The following MYO16 variants were observed in gnomAD, a reference collection of about 807,000 sequenced individuals.
MYO16 encodes the protein myosin XVI, also known as unconventional myosin-XVI.
A neutral mutation model predicts 205.3 loss-of-function variants in MYO16; 94 were observed. The observed-to-expected ratio is 0.46, with a 90% CI of 0.39 to 0.54. The LOEUF (loss-of-function observed/expected upper bound fraction) is 0.54, where lower values mean the gene tolerates loss of function less well. MYO16 is among the 20% of genes least tolerant of loss of function. The pLI, the probability that MYO16 is intolerant of heterozygous loss-of-function variation, is 0.00. For synonymous variants in MYO16, 988 were observed against 954.0 expected (o/e 1.04, Z -0.66); for missense variants, 2,315 against 2,387.5 (o/e 0.97, Z 0.63).
rs1055716511 is a variant in MYO16 at position 108,793,529 on chromosome 13, C to G, written c.630C>G (p.Thr210=). The change falls in exon 6 of 35, where the codon ACC becomes ACG. Residue 210 remains threonine (T), a synonymous_variant. Transcript: ENST00000457511. ...TTCTCCCCACAGGAGTGGATTTGAC[C>G]TCACTGCGCCAGATGAAGCTTCAGA... ...TYLDENGVDL[T]SLRQMKLQRP... 1 of 1,613,726 alleles carries G rather than the reference C, an allele frequency of 6.2e-7. No individual in the cohort carries two copies. Among genetic ancestry groups the G allele is most frequent in the Non-Finnish European group, 8.5e-7 (1 of 1,179,798 alleles).
intron 4 of MYO16, among the ~76,000 whole-genome samples, chr13:108,748,380 T>C (rs1007638720): frequency 2.6e-5 from 4 of 152,016 alleles, no homozygotes; most frequent in African/African-American, 9.7e-5. Context: ...ATTTATAGCA[T>C]TAAATACGTG....
intron 17 of MYO16, among the ~76,000 whole-genome samples, chr13:108,959,797 AAGG>A (rs1026635019): frequency 5.9e-5 from 9 of 152,128 alleles, no homozygotes; most frequent in African/African-American, 2.2e-4. Flanking sequence ...TCTGCTCAGG[AAGG>A]AGTTTATTTT....
chr13:108,842,589 A>C (rs1199447387), intron 9 of MYO16, among the ~76,000 whole-genome samples: 1 of 152,186 alleles, frequency 6.6e-6, no homozygotes, highest in African/African-American at 2.4e-5. Context: ...CAATTATCAA[A>C]AAGACAAGAG....
chr13:108,680,093 G>C (rs1008512379), intron 2 of MYO16, among the ~76,000 whole-genome samples: 1 of 152,286 alleles, frequency 6.6e-6, no homozygotes, highest in Non-Finnish European at 1.5e-5. Flanking sequence ...CTGCCTCCCA[G>C]TTTGGTCCCA....
chr13:108,940,517 T>C (rs1400520700), intron 16 of MYO16, among the ~76,000 whole-genome samples: 2 of 152,198 alleles, frequency 1.3e-5, no homozygotes, highest in Non-Finnish European at 2.9e-5. Flanking sequence ...TCTAAGGGGC[T>C]TTATGATCTT....
Position 108,964,907 on chromosome 13 carries a change from G to T in MYO16, c.2369+5G>T, listed in dbSNP as rs756295624. 1 of 1,613,842 alleles carries T rather than the reference G, an allele frequency of 6.2e-7. No homozygotes were observed. Reference sequence around the variant, plus strand: ...CAGTCAAGATGAACAGAAAAGGTAGGAGTTGATGGATGTTCGGTTCTGTTG... The same window carrying T: ...CAGTCAAGATGAACAGAAAAGGTAGTAGTTGATGGATGTTCGGTTCTGTTG... On this transcript the variant is annotated splice_donor_5th_base_variant and intron_variant, in intron 20 of 34. Coordinates refer to ENST00000457511, the MANE Select transcript of MYO16 (RefSeq NM_001198950.3).
chr13:108,967,672 A>T (rs532937629), intron 20 of MYO16, among the ~76,000 whole-genome samples: 2 of 152,344 alleles, frequency 1.3e-5, no homozygotes, highest in East Asian at 3.9e-4. Flanking sequence ...TTTGGTCCAA[A>T]CAGGTAAAAT....
intron 1 of MYO16, among the ~76,000 whole-genome samples, chr13:108,599,975 T>C (rs1878705575): frequency 6.6e-6 from 1 of 152,218 alleles, no homozygotes; most frequent in South Asian, 2.1e-4. Context: ...GTCCAGTAAT[T>C]TGGCCATCTA....
At chr13:109,009,429 C>T (rs1371121369) in intron 22 of MYO16, among the ~76,000 whole-genome samples, 1 of 152,106 alleles carries the variant, frequency 6.6e-6, no homozygotes, top group African/African-American at 2.4e-5. Flanking sequence ...AATTTATCTT[C>T]AAAGTTTCTA....
Position 108,868,519 on chromosome 13 carries a change from T to C in MYO16, c.1425+2277T>C, listed in dbSNP as rs188229042. 2.8e-4 allele frequency among the ~76,000 whole-genome samples: 42 copies of C among 152,308 alleles called. No individual in the cohort carries two copies. The East Asian group carries it at 6.9e-3, about 25-fold the overall frequency. On this transcript the variant is annotated intron_variant, in intron 12 of 34. Coordinates refer to ENST00000457511, the MANE Select transcript of MYO16 (RefSeq NM_001198950.3). ...CCTTTTTTATTGACTTGAAAGATCT[T>C]TAAGCATTCTGGATTCTCAATGCAT... is the stretch of plus-strand genomic sequence containing the variant.
the MYO16 span, among the ~76,000 whole-genome samples, chr13:108,580,025 C>T: frequency 0.013 from 1,908 of 152,150 alleles, 33 homozygotes; most frequent in African/African-American, 0.04. Flanking sequence ...ACTGCATTTT[C>T]CTGAGTGGCA....
intron 7 of MYO16, among the ~76,000 whole-genome samples, chr13:108,818,575 A>G (rs1336768042): frequency 2.6e-5 from 4 of 152,116 alleles, no homozygotes; most frequent in Admixed American, 2.6e-4. Flanking sequence ...AATCAACAAT[A>G]CCTCAAATTG....
the MYO16 span, among the ~76,000 whole-genome samples, chr13:108,546,225 C>T: frequency 2.6e-4 from 39 of 152,252 alleles, no homozygotes; most frequent in South Asian, 4.1e-4. Context: ...TTTCCAGAGA[C>T]GTCAATAGCT....
At chr13:109,149,983 G>A (rs1407536827) in intron 32 of MYO16, among the ~76,000 whole-genome samples, 1 of 152,080 alleles carries the variant, frequency 6.6e-6, no homozygotes, top group Non-Finnish European at 1.5e-5. Flanking sequence ...TTTTTTGTAG[G>A]ACACATATGA....
At chr13:108,847,943 T>G (rs1308928775) in intron 10 of MYO16, among the ~76,000 whole-genome samples, 1 of 152,176 alleles carries the variant, frequency 6.6e-6, no homozygotes, top group East Asian at 1.9e-4. Context: ...AAGGTTGAAA[T>G]TGAAGTCAAG....
intron 20 of MYO16, among the ~76,000 whole-genome samples, chr13:108,982,074 A>T (rs1304649027): frequency 1.3e-5 from 2 of 152,350 alleles, no homozygotes; most frequent in Admixed American, 6.5e-5. Flanking sequence ...AGTAGCCAGA[A>T]GCCCCTGGAG....
chr13:108,605,671 C>T (rs960527478), intron 1 of MYO16, among the ~76,000 whole-genome samples: 2 of 152,190 alleles, frequency 1.3e-5, no homozygotes, highest in African/African-American at 4.8e-5. Context: ...CCCAGCCATG[C>T]AGAACTGTGA....
intron 4 of MYO16, among the ~76,000 whole-genome samples, chr13:108,761,839 T>C (rs2139658167): frequency 6.6e-6 from 1 of 152,346 alleles, no homozygotes; most frequent in East Asian, 1.9e-4. Context: ...AACTAGACTC[T>C]TCTGGTAAGC....
At chr13:109,081,319 C>T (rs907128969) in intron 27 of MYO16, among the ~76,000 whole-genome samples, 40 of 152,276 alleles carry the variant, frequency 2.6e-4, no homozygotes, top group African/African-American at 9.4e-4. Context: ...AAAATGTTCT[C>T]TGAAGACCTA....
Sources: allele counts gnomAD v4.1 joint callset (sites outside exome capture counted in the v4.1 genomes callset), GRCh38; gene constraint gnomAD v4.1.1; transcripts MANE v1.5; gene names NCBI Gene and HGNC (gene_info 2026-07-23, HGNC 2026-07-21).